Variants in NELL1 observed in about 807,000 individuals in gnomAD.
NELL1 encodes protein kinase C-binding protein NELL1.
Under a neutral mutation model 107.4 loss-of-function variants are expected in NELL1, and 76 were observed. That is an observed-to-expected ratio of 0.71 (90% confidence interval 0.59 to 0.86). NELL1 has a LOEUF of 0.86. NELL1 is among the 40% of genes least tolerant of loss of function. The probability of loss-of-function intolerance (pLI) is 0.00; values close to 1 mark genes in which losing one functional copy is unlikely to be tolerated. For missense variants in NELL1, 1,024 were observed against 1,005.5 expected, an observed-to-expected ratio of 1.02 and a Z score of -0.25; for synonymous variants, 353 against 341.2, an observed-to-expected ratio of 1.03 and a Z score of -0.38.
intron 15 of NELL1, among the ~76,000 whole-genome samples, chr11:21,401,005 T>C (rs2133796389): frequency 6.6e-6 from 1 of 152,004 alleles, no homozygotes; most frequent in South Asian, 2.1e-4. Flanking sequence ...AAGACAAATT[T>C]CACAGTATGT....
intron 3 of NELL1, among the ~76,000 whole-genome samples, chr11:20,819,835 G>T (rs1857710627): frequency 6.6e-6 from 1 of 152,154 alleles, no homozygotes; most frequent in African/African-American, 2.4e-5. Context: ...AACTCCAGGG[G>T]TTAAAAATAG....
At chr11:21,289,447 G>A (rs1849201172) in intron 14 of NELL1, among the ~76,000 whole-genome samples, 1 of 152,160 alleles carries the variant, frequency 6.6e-6, no homozygotes, top group Admixed American at 6.5e-5. Flanking sequence ...GAAGCCATGA[G>A]GGACTGTGCC....
chr11:21,124,277 C>G (rs7943792), intron 13 of NELL1, among the ~76,000 whole-genome samples: 35,039 of 151,946 alleles, frequency 0.23, 4,216 homozygotes, highest in South Asian at 0.34. Flanking sequence ...TAAATGTTAC[C>G]TCAGTAAATT....
intron 3 of NELL1, among the ~76,000 whole-genome samples, chr11:20,821,616 C>G (rs1857755306): frequency 6.6e-6 from 1 of 152,090 alleles, no homozygotes; most frequent in African/African-American, 2.4e-5. Context: ...GTTTAAAACT[C>G]AGGATGAAGT....
At chr11:21,243,507 T>C (rs1051070370) in intron 14 of NELL1, among the ~76,000 whole-genome samples, 1 of 152,148 alleles carries the variant, frequency 6.6e-6, no homozygotes, top group African/African-American at 2.4e-5. Flanking sequence ...TTGAAGACTG[T>C]ATTTGTAGAA....
rs1848724891 is a variant in NELL1 at position 20,847,706 on chromosome 11, A to G, written c.459A>G (p.Ala153=). 2 of 1,613,534 alleles carry G rather than the reference A, an allele frequency of 1.2e-6. No homozygotes were observed. Among genetic ancestry groups the G allele is most frequent in the Non-Finnish European group, 1.7e-6 (2 of 1,179,708 alleles). The change falls in exon 4 of 20, where the codon GCA becomes GCG. Residue 153 remains alanine, a synonymous_variant. Coordinates refer to ENST00000357134, the MANE Select transcript of NELL1 (RefSeq NM_006157.5). ...RMADGQWHKV[A]LSVSASHLLL... ...CAGATGGACAATGGCACAAGGTTGC[A>G]CTGTCAGTTAGCGCCTCTCATCTCC... is the stretch of plus-strand genomic sequence containing the variant.
chr11:20,738,931 G>T (rs1003682763), intron 2 of NELL1, among the ~76,000 whole-genome samples: 1 of 152,204 alleles, frequency 6.6e-6, no homozygotes, highest in Non-Finnish European at 1.5e-5. Flanking sequence ...AGTCATTGAG[G>T]TGTTAGAACT....
chr11:20,715,105 C>T (rs1243252043), intron 2 of NELL1, among the ~76,000 whole-genome samples: 3 of 151,796 alleles, frequency 2.0e-5, no homozygotes, highest in South Asian at 2.1e-4. Flanking sequence ...ATTAGCTGGG[C>T]GTGGTGGCGG....
At chr11:21,354,869 G>T (rs1373074707) in intron 14 of NELL1, among the ~76,000 whole-genome samples, 2 of 144,012 alleles carry the variant, frequency 1.4e-5, no homozygotes, top group Non-Finnish European at 2.9e-5. Flanking sequence ...TCTCTAGACT[G>T]TGACCTCCAG....
intron 13 of NELL1, among the ~76,000 whole-genome samples, chr11:21,150,671 G>A (rs1051015653): frequency 7.2e-5 from 11 of 152,040 alleles, no homozygotes; most frequent in African/African-American, 2.7e-4. Flanking sequence ...CATCTGGGGT[G>A]GGCAATTTTT....
chr11:21,158,896 A>C (rs58326957), intron 13 of NELL1, among the ~76,000 whole-genome samples: 1 of 152,042 alleles, frequency 6.6e-6, no homozygotes, highest in Non-Finnish European at 1.5e-5. Flanking sequence ...TTCTGAATTC[A>C]GACATATTGT....
intron 5 of NELL1, among the ~76,000 whole-genome samples, chr11:20,889,741 C>A (rs79809952): frequency 5.9e-5 from 9 of 152,230 alleles, no homozygotes; most frequent in Admixed American, 3.3e-4. Flanking sequence ...AGGAACAGTG[C>A]GGTGCGACGG....
chr11:21,527,356 A>C (rs1276164024), intron 15 of NELL1, among the ~76,000 whole-genome samples: 1 of 152,066 alleles, frequency 6.6e-6, no homozygotes, highest in Admixed American at 6.5e-5. Context: ...GAGCATCCCG[A>C]GTCTCTAGAA....
In NELL1 at chr11:20,775,847, G is replaced by A. The variant is rs1856740073; in HGVS notation, c.185-7833G>A. Among the ~76,000 whole-genome samples, 3 of 152,338 alleles carry A rather than the reference G, an allele frequency of 2.0e-5. No homozygotes were observed. In the South Asian group the frequency reaches 6.2e-4, roughly 32 times the overall value. On this transcript the variant is annotated intron_variant, in intron 2 of 19. Coordinates refer to ENST00000357134, the MANE Select transcript of NELL1 (RefSeq NM_006157.5). ...TACAAAAAATTGGTTAATACCATGT[G>A]TCACAGGATGCCTTAGGTTTAGTCC...
At chr11:20,905,939 G>A (rs1849988256) in intron 5 of NELL1, among the ~76,000 whole-genome samples, 1 of 152,062 alleles carries the variant, frequency 6.6e-6, no homozygotes, top group Admixed American at 6.6e-5. Flanking sequence ...AAGAAGTTTA[G>A]CAAACTGTAA....
chr11:20,766,753 T>G (rs11025750), intron 2 of NELL1, among the ~76,000 whole-genome samples: 8,333 of 151,988 alleles, frequency 0.055, 435 homozygotes, highest in East Asian at 0.26. Context: ...TTTTTTTTTT[T>G]TTTGTTTCAG....
intron 2 of NELL1, among the ~76,000 whole-genome samples, chr11:20,738,005 A>G (rs1043708992): frequency 6.6e-6 from 1 of 151,120 alleles, no homozygotes; most frequent in Non-Finnish European, 1.5e-5. Context: ...GTTCACTGCT[A>G]TATCCCAGTT....
At chr11:20,751,041 TTG>T (rs1049414804) in intron 2 of NELL1, among the ~76,000 whole-genome samples, 4 of 150,190 alleles carry the variant, frequency 2.7e-5, no homozygotes, top group South Asian at 2.2e-4. Flanking sequence ...GTGTGTGTGT[TTG>T]TGTGTGTGTG....
chr11:20,818,190 C>T (rs1227059356), intron 3 of NELL1, among the ~76,000 whole-genome samples: 1 of 151,934 alleles, frequency 6.6e-6, no homozygotes, highest in Non-Finnish European at 1.5e-5. Flanking sequence ...GAGTGAAGTC[C>T]CCAACTATTA....
Sources: gnomAD v4.1 joint callset for allele counts (sites outside exome capture counted in the v4.1 genomes callset) on GRCh38, gnomAD v4.1.1 for gene constraint, MANE v1.5 for transcripts, NCBI Gene and HGNC (gene_info 2026-07-23, HGNC 2026-07-21) for gene names.